Variants in GSC observed in about 807,000 individuals in gnomAD.
GSC encodes the protein homeobox protein goosecoid.
Under a neutral mutation model 24.5 loss-of-function variants are expected in GSC, and 13 were observed. The ratio of observed to expected loss-of-function variants is 0.53; its 90% CI spans 0.35 to 0.84. GSC has a LOEUF of 0.84. GSC is among the 40% of genes least tolerant of loss of function. The probability of loss-of-function intolerance (pLI) is 0.01; values close to 1 mark genes in which losing one functional copy is unlikely to be tolerated. For missense variants in GSC, 382 were observed against 384.2 expected (o/e 0.99, Z 0.05); for synonymous variants, 199 against 182.1 (o/e 1.09, Z -0.75).
intron 2 of GSC, 57 bp downstream of exon 2, chr14:94,768,901 G>C (rs1238615039): frequency 1.3e-6 from 2 of 1,547,864 alleles, no homozygotes; most frequent in Middle Eastern, 2.1e-4. Context: ...AACCCGACTG[G>C]GGCCCCACCT....
rs1885210810 is a variant in GSC, at chr14:94,768,350, G to C, written c.*141C>G. 2 of 1,161,474 alleles carry C rather than the reference G, an allele frequency of 1.7e-6. No individual in the cohort carries two copies. The highest frequency in any genetic ancestry group is 2.5e-5 in the South Asian group (2 of 78,896). 71.9% of individuals were successfully genotyped at this position (1,161,474 alleles called of 1,614,324 possible). ...CTGACCCCAGACGCCGACCCTCCCG[G>C]CTCTGTACACTATTTACAGCTCCTC... On this transcript the variant is annotated 3_prime_UTR_variant, in exon 3 of 3. Transcript: ENST00000238558.
rs1048910239 is a variant in GSC at position 94,768,950 on chromosome 14, G to T, written c.615+8C>A. The T allele has an allele frequency of 1.9e-6, 3 of 1,575,910 alleles. No homozygotes were observed. In the Admixed American group the frequency reaches 5.5e-5, roughly 29 times the overall value. On this transcript the variant is annotated splice_region_variant and intron_variant, in intron 2 of 2. Coordinates refer to ENST00000238558, the MANE Select transcript of GSC (RefSeq NM_173849.3). Reference sequence around the variant, plus strand: ...CGCTAGGCGCCCACGGCAGGCCCCGGCGCCTACCTCCACTTTCTCCTCGCG... The same window carrying T: ...CGCTAGGCGCCCACGGCAGGCCCCGTCGCCTACCTCCACTTTCTCCTCGCG...
rs1885253070 is a variant in GSC at position 94,769,976 on chromosome 14, C to A, written c.40G>T (p.Ala14Ser). The A allele has an allele frequency of 5.8e-6, 9 of 1,558,300 alleles. No individual in the cohort carries two copies. The highest frequency in any genetic ancestry group is 7.8e-6 in the Non-Finnish European group (9 of 1,160,718). The change falls in exon 1 of 3, where the codon GCC (alanine) becomes TCC (serine). Residue 14 changes from alanine (A) to serine (S), a missense_variant. By Grantham distance (99) the Ala-to-Ser change is moderately conservative. Coordinates refer to ENST00000238558, the MANE Select transcript of GSC (RefSeq NM_173849.3). ...SMFSIDNILAARPRCKDSVLP... is the reference protein window; with the variant it reads ...SMFSIDNILASRPRCKDSVLP... The stretch of plus-strand genomic sequence containing the variant: ...ACCGAGTCCTTGCAGCGCGGCCGGG[C>A]GGCTAGGATGTTGTCGATGCTGAAC...
In GSC at chr14:94,768,995, A is replaced by G; in HGVS notation, c.578T>C (p.Leu193Pro). ...KYPDVGTREQ[L>P]ARKVHLREEK... ...CTCGCGGAGGTGCACTTTCCGGGCCAGCTGCTCGCGCGTGCCCACGTCCGG... is the reference window on the plus strand; with the variant it reads ...CTCGCGGAGGTGCACTTTCCGGGCCGGCTGCTCGCGCGTGCCCACGTCCGG... Residue 193 changes from leucine to proline, a missense_variant, in exon 2 of 3, where the codon CTG becomes CCG. Physicochemically the swap from Leu to Pro is moderately conservative, Grantham distance 98. Coordinates refer to ENST00000238558, the MANE Select transcript of GSC (RefSeq NM_173849.3). 2 of 1,595,794 alleles carry G rather than the reference A, an allele frequency of 1.3e-6. No homozygotes were observed. Among genetic ancestry groups the G allele is most frequent in the Non-Finnish European group, 1.7e-6 (2 of 1,172,206 alleles).
intron 2 of GSC, 121 bp downstream of exon 2, chr14:94,768,837 G>A: frequency 7.0e-7 from 1 of 1,433,840 alleles, no homozygotes; most frequent in South Asian, 1.2e-5. Context: ...AGCAGCCTGC[G>A]GGCCGCCATC....
At chr14:94,768,925 C>T (rs758070634) in intron 2 of GSC, 33 bp downstream of exon 2, 7 of 1,560,382 alleles carry the variant, frequency 4.5e-6, no homozygotes, top group East Asian at 4.8e-5. Flanking sequence ...GGGGAAGGAC[C>T]GCTAGGCGCC....
At position 94,770,113 on chromosome 14, in the gene GSC, C is replaced by T. The variant is rs1488136697; in HGVS notation, c.-98G>A. The T allele has an allele frequency of 8.3e-7, 1 of 1,202,096 alleles. No individual in the cohort carries two copies. Among genetic ancestry groups the T allele is most frequent in the African/African-American group, 1.6e-5 (1 of 62,586 alleles). The allele number at this position is 1,202,096 out of a possible 1,614,324, so 74.5% of individuals were successfully genotyped here. ...ACTCTCCTCCAGCCGCCGACCAAAC[C>T]GAAAGAGAGCGCCGGCGAGCGCGCA... is the stretch of plus-strand genomic sequence containing the variant. On this transcript the variant is annotated 5_prime_UTR_variant, in exon 1 of 3. Transcript: ENST00000238558.
At position 94,768,311 on chromosome 14, in the gene GSC, G is replaced by A. The variant is rs1885209909; in HGVS notation, c.*180C>T. 1 of 753,502 alleles carries A rather than the reference G, an allele frequency of 1.3e-6. No homozygotes were observed. The highest frequency in any genetic ancestry group is 2.2e-6 in the Non-Finnish European group (1 of 445,586). The allele number at this position is 753,502 out of a possible 1,614,324, so 46.7% of individuals were successfully genotyped here. On this transcript the variant is annotated 3_prime_UTR_variant, in exon 3 of 3. Coordinates refer to ENST00000238558, the MANE Select transcript of GSC (RefSeq NM_173849.3). ...TAGTCGCGGGCGGCCTCGGGCTGCT[G>A]GGCTGTGCGCGCCCTGACCCCAGAC...
At position 94,769,184 on chromosome 14, in the gene GSC, G is replaced by A; in HGVS notation, c.389C>T (p.Pro130Leu). The change falls in exon 2 of 3, where the codon CCG (proline) becomes CTG (leucine). Residue 130 changes from proline (P) to leucine (L), a missense_variant. Transcript: ENST00000238558. ...GTAGGGCAGCATCTGGTGCGGTACC[G>A]GGGACACCAGCACCGAACCGGGGCC... ...YEGPGSVLVS[P>L]VPHQMLPYMN... 2.6e-6 allele frequency: 4 copies of A among 1,560,946 alleles called. No individual in the cohort carries two copies. The highest frequency in any genetic ancestry group is 3.5e-6 in the Non-Finnish European group (4 of 1,153,196).
chr14:94,769,247 G>T (rs1175328274), intron 1 of GSC, 30 bp from the exon 2 acceptor site: 1 of 1,542,130 alleles, frequency 6.5e-7, no homozygotes, highest in East Asian at 2.5e-5. Context: ...ACGGTCAGCC[G>T]CCCGCCCTCG....
Position 94,768,490 on chromosome 14 carries a change from G to A in GSC, c.*1C>T, listed in dbSNP as rs777984980. 2 of 1,614,160 alleles carry A rather than the reference G, an allele frequency of 1.2e-6. No homozygotes were observed. The highest frequency in any genetic ancestry group is 1.7e-6 in the Non-Finnish European group (2 of 1,180,014). On this transcript the variant is annotated 3_prime_UTR_variant, in exon 3 of 3. Transcript: ENST00000238558. ...TAATACGGGCAAGTGTCCCGCGGCC[G>A]TCAGCTGTCCGAGTCCAAATCGCTT...
chr14:94,769,655 C>A lies in GSC; in HGVS notation c.355+6G>T. The A allele has an allele frequency of 1.4e-6, 2 of 1,427,020 alleles. No homozygotes were observed. The highest frequency in any genetic ancestry group is 1.5e-5 in the African/African-American group (1 of 66,694). The allele number at this position is 1,427,020 out of a possible 1,614,324, so 88.4% of individuals were successfully genotyped here. A position where few individuals can be genotyped will look rare whatever the true frequency, so the allele number is the denominator to read the frequency against. ...GCGGCAGAGGCCGGAGCGAGCGCGA[C>A]CCTACCTGGGGGCGTCGGGACGCAG... On this transcript the variant is annotated splice_donor_region_variant and intron_variant, in intron 1 of 2. Coordinates refer to ENST00000238558, the MANE Select transcript of GSC (RefSeq NM_173849.3).
chr14:94,768,524 C>T lies in GSC; in HGVS notation c.741G>A (p.Glu247=), dbSNP rs199891655. 6.2e-6 allele frequency: 10 copies of T among 1,614,226 alleles called. No individual in the cohort carries two copies. The East Asian group carries it at 1.8e-4, about 29-fold the overall frequency. The change falls in exon 3 of 3, where the codon GAG becomes GAA. Residue 247 remains glutamate, a synonymous_variant. Coordinates refer to ENST00000238558, the MANE Select transcript of GSC (RefSeq NM_173849.3). ...CCGAGTCCAAATCGCTTTTACCTTC[C>T]TCTTCCCTCTTCTCCGGTGACGCCT... ...SSKASPEKRE[E]EGKSDLDSDS
At chr14:94,769,504 T>C (rs1885239541) in intron 1 of GSC, among the ~76,000 whole-genome samples, 157 bp downstream of exon 1, 2 of 152,030 alleles carry the variant, frequency 1.3e-5, no homozygotes, top group Admixed American at 1.3e-4. Context: ...TGGCCAAAAG[T>C]TTGCAGCAAG....
chr14:94,769,746 C>A lies in GSC; in HGVS notation c.270G>T (p.Val90=). The change falls in exon 1 of 3, where the codon GTG becomes GTT. Residue 90 remains valine, a synonymous_variant. Coordinates refer to ENST00000238558, the MANE Select transcript of GSC (RefSeq NM_173849.3). ...YNNYFYGQLH[V]QAAPVGPACC... is the part of the protein sequence containing the mutation. ...AGGCCGGGCCCACGGGCGCCGCCTGCACGTGCAGCTGCCCGTAGAAGTAGT... is the reference window on the plus strand; with the variant it reads ...AGGCCGGGCCCACGGGCGCCGCCTGAACGTGCAGCTGCCCGTAGAAGTAGT... 6.9e-7 allele frequency: 1 copy of A among 1,442,216 alleles called. No homozygotes were observed. Among genetic ancestry groups the A allele is most frequent in the Non-Finnish European group, 9.0e-7 (1 of 1,106,874 alleles). 89.3% of individuals were successfully genotyped at this position (1,442,216 alleles called of 1,614,324 possible). A position where few individuals can be genotyped will look rare whatever the true frequency, so the allele number is the denominator to read the frequency against.
At chr14:94,769,299 C>T (rs1885235658) in intron 1 of GSC, 82 bp from the exon 2 acceptor site, 4 of 1,498,412 alleles carry the variant, frequency 2.7e-6, no homozygotes, top group Admixed American at 4.1e-5. Context: ...GACCCTCTTC[C>T]ACTTAGAAGT....
In GSC at chr14:94,770,077, T is replaced by TG. The variant is rs57600257; in HGVS notation, c.-63dup. On this transcript the variant is annotated 5_prime_UTR_variant, in exon 1 of 3. Coordinates refer to ENST00000238558, the MANE Select transcript of GSC (RefSeq NM_173849.3). ...ACGCGCCGAGGACAGAGCCTTAAAG[T>TG]GGGGGGGTCCACTCTCCTCCAGCCG... 7,340 of 1,445,142 alleles carry TG rather than the reference T, an allele frequency of 5.1e-3. 298 individuals are homozygous for TG. The African/African-American group carries it at 0.088, about 17-fold the overall frequency. The allele number at this position is 1,445,142 out of a possible 1,614,324, so 89.5% of individuals were successfully genotyped here.
At position 94,768,484 on chromosome 14, in the gene GSC, G is replaced by T; in HGVS notation, c.*7C>A. The T allele has an allele frequency of 6.2e-7, 1 of 1,614,138 alleles. No individual in the cohort carries two copies. The highest frequency in any genetic ancestry group is 8.5e-7 in the Non-Finnish European group (1 of 1,180,008). ...GGTAAGTAATACGGGCAAGTGTCCC[G>T]CGGCCGTCAGCTGTCCGAGTCCAAA... On this transcript the variant is annotated 3_prime_UTR_variant, in exon 3 of 3. Coordinates refer to ENST00000238558, the MANE Select transcript of GSC (RefSeq NM_173849.3).
In GSC at chr14:94,768,372, C is replaced by T; in HGVS notation, c.*119G>A. 7.6e-7 allele frequency: 1 copy of T among 1,313,358 alleles called. No individual in the cohort carries two copies. The highest frequency in any genetic ancestry group is 1.1e-6 in the Non-Finnish European group (1 of 914,468). The allele number at this position is 1,313,358 out of a possible 1,614,324, so 81.4% of individuals were successfully genotyped here. A position where few individuals can be genotyped will look rare whatever the true frequency, so the allele number is the denominator to read the frequency against. On this transcript the variant is annotated 3_prime_UTR_variant, in exon 3 of 3. Transcript: ENST00000238558. ...CCGGCTCTGTACACTATTTACAGCT[C>T]CTCGTTCCTCTTTCTCGACCCCCTC...
Sources: allele counts gnomAD v4.1 joint callset (sites outside exome capture counted in the v4.1 genomes callset), GRCh38; gene constraint gnomAD v4.1.1; transcripts MANE v1.5; gene names NCBI Gene and HGNC (gene_info 2026-07-23, HGNC 2026-07-21).